The following NBEA variants were observed in gnomAD, a reference collection of about 807,000 sequenced individuals.
NBEA encodes neurobeachin.
In NBEA, 44 loss-of-function variants were observed where a neutral mutation model predicts 343.4. The ratio of observed to expected loss-of-function variants is 0.13; its 90% CI spans 0.10 to 0.16. The LOEUF is 0.16. Among genes scored for constraint, NBEA ranks in the 10% least tolerant of loss-of-function variants. NBEA has a pLI of 1.00. For synonymous variants in NBEA, 1,175 were observed against 1,238.7 expected, an observed-to-expected ratio of 0.95 and a Z score of 1.08; for missense variants, 2,555 against 3,631.3, an observed-to-expected ratio of 0.70 and a Z score of 7.62.
At chr13:35,100,363 T>A (rs1157173503) in intron 11 of NBEA, among the ~76,000 whole-genome samples, 1 of 152,048 alleles carries the variant, frequency 6.6e-6, no homozygotes, top group Non-Finnish European at 1.5e-5. Flanking sequence ...ATTAAGATGA[T>A]TTTTTCCATA....
At chr13:35,439,095 T>C (rs1445401684) in intron 39 of NBEA, among the ~76,000 whole-genome samples, 1 of 152,174 alleles carries the variant, frequency 6.6e-6, no homozygotes. Context: ...TTTACTGTAG[T>C]GATTCCCAAC....
chr13:35,669,874 G>T (rs1029981005), intron 58 of NBEA, among the ~76,000 whole-genome samples: 1 of 152,156 alleles, frequency 6.6e-6, no homozygotes, highest in South Asian at 2.1e-4. Context: ...CTTCTTGAGG[G>T]CTGGGAAGGG....
intron 41 of NBEA, among the ~76,000 whole-genome samples, chr13:35,503,238 G>A (rs992326641): frequency 6.6e-6 from 1 of 151,204 alleles, no homozygotes; most frequent in South Asian, 2.1e-4. Flanking sequence ...TTATAGTGTA[G>A]TCAATATATA....
chr13:35,533,522 TG>T (rs1353933947), intron 41 of NBEA, among the ~76,000 whole-genome samples: 1 of 152,184 alleles, frequency 6.6e-6, no homozygotes, highest in Admixed American at 6.5e-5. Flanking sequence ...TAAATATTAG[TG>T]TCATTTGTTC....
chr13:35,514,910 A>G (rs547732457), intron 41 of NBEA, among the ~76,000 whole-genome samples: 16 of 152,308 alleles, frequency 1.1e-4, no homozygotes, highest in African/African-American at 3.6e-4. Context: ...TTACCTTTGC[A>G]TTAACACTGA....
chr13:35,205,613 C>G (rs1175954512), intron 31 of NBEA, among the ~76,000 whole-genome samples: 1 of 151,936 alleles, frequency 6.6e-6, no homozygotes, highest in African/African-American at 2.4e-5. Context: ...AATATAGTGC[C>G]TAAAACTACA....
At chr13:35,173,425 C>A in intron 26 of NBEA, 39 bp from the exon 27 acceptor site, 1 of 1,488,998 alleles carries the variant, frequency 6.7e-7, no homozygotes, top group Non-Finnish European at 9.0e-7. Context: ...TCAAAGTCAA[C>A]AATTTATATT....
At chr13:35,277,147 A>T (rs555978182) in intron 34 of NBEA, among the ~76,000 whole-genome samples, 9 of 152,278 alleles carry the variant, frequency 5.9e-5, no homozygotes, top group Non-Finnish European at 7.4e-5. Flanking sequence ...TTACCTTAAC[A>T]CTGCTTTGTT....
chr13:35,529,597 T>A (rs753744053), intron 41 of NBEA, among the ~76,000 whole-genome samples: 74 of 152,356 alleles, frequency 4.9e-4, no homozygotes, highest in Non-Finnish European at 1.0e-4. Context: ...TTGAAAGACA[T>A]GTAAATAGAA....
At chr13:35,183,088 C>T (rs1051151042) in intron 29 of NBEA, among the ~76,000 whole-genome samples, 1 of 151,932 alleles carries the variant, frequency 6.6e-6, no homozygotes, top group African/African-American at 2.4e-5. Flanking sequence ...AACAATGAAC[C>T]ACCTTGGGTC....
chr13:35,582,038 G>A (rs947818500), intron 45 of NBEA, among the ~76,000 whole-genome samples: 2 of 152,110 alleles, frequency 1.3e-5, no homozygotes, highest in Non-Finnish European at 2.9e-5. Flanking sequence ...TATTATCCCA[G>A]CACTTTGGGA....
Position 35,593,274 on chromosome 13 carries a change from C to T in NBEA, c.7177-54C>T, listed in dbSNP as rs539789071. The T allele has an allele frequency of 3.3e-5, 52 of 1,584,928 alleles. No individual in the cohort carries two copies. The Middle Eastern group carries it at 6.7e-4, about 21-fold the overall frequency. ...AAGATAGCCATGTTTCACAAAGGAA[C>T]GAGGGCAGCTGTGTTTAGAGTGGTC... On this transcript the variant is annotated intron_variant, in intron 46 of 58. Transcript: ENST00000379939.
chr13:35,120,247 A>G (rs2066723355), intron 16 of NBEA, among the ~76,000 whole-genome samples: 1 of 152,170 alleles, frequency 6.6e-6, no homozygotes, highest in Non-Finnish European at 1.5e-5. Flanking sequence ...TAGGATTTAC[A>G]TGTATTTTAA....
At position 35,327,911 on chromosome 13, in the gene NBEA, TA is replaced by T. The variant is rs879544796; in HGVS notation, c.5903+18329del. Among the ~76,000 whole-genome samples the T allele has an allele frequency of 3.7e-3, 544 of 148,588 alleles. 2 individuals are homozygous for T. The highest frequency in any genetic ancestry group is 0.012 in the African/African-American group (491 of 40,688). On this transcript the variant is annotated intron_variant, in intron 36 of 58. Coordinates refer to ENST00000379939, the MANE Select transcript of NBEA (RefSeq NM_001385012.1). Reference sequence around the variant, plus strand: ...AAAGTCAGCATCTATTCCTGATATATAAAAAAAAAACTCTCAGCAAACTACA... The same window carrying T: ...AAAGTCAGCATCTATTCCTGATATATAAAAAAAAACTCTCAGCAAACTACA...
At chr13:35,289,470 CTA>C (rs2035655983) in intron 34 of NBEA, among the ~76,000 whole-genome samples, 1 of 151,818 alleles carries the variant, frequency 6.6e-6, no homozygotes, top group African/African-American at 2.4e-5. Flanking sequence ...ACCTCATTCT[CTA>C]TGTTGGCACT....
Position 35,161,759 on chromosome 13 carries a change from G to A in NBEA, c.3871G>A (p.Gly1291Ser). Residue 1291 changes from glycine to serine, a missense_variant, in exon 23 of 59, where the codon GGT (glycine) becomes AGT (serine). Coordinates refer to ENST00000379939, the MANE Select transcript of NBEA (RefSeq NM_001385012.1). ...QTTTTTQAVQ[G>S]RSITQQDRDL... ...TCTTTTCCTTCTTTAGGCTGTGCAG[G>A]GTCGGTCTATCACCCAACAAGACCG... 1.2e-6 allele frequency: 2 copies of A among 1,609,404 alleles called. No individual in the cohort carries two copies. Among genetic ancestry groups the A allele is most frequent in the Non-Finnish European group, 1.7e-6 (2 of 1,177,892 alleles).
At position 35,472,184 on chromosome 13, in the gene NBEA, T is replaced by C. The variant is rs984421890; in HGVS notation, c.6449-216T>C. Among the ~76,000 whole-genome samples, 12 of 152,366 alleles carry C rather than the reference T, an allele frequency of 7.9e-5. No individual in the cohort carries two copies. In the East Asian group the frequency reaches 1.2e-3, roughly 15 times the overall value. On this transcript the variant is annotated intron_variant, in intron 40 of 58. Transcript: ENST00000379939. ...AGCGTTATTCGGTATCCTGACCTCC[T>C]GGGTTTTCATACCATTTTTTCTCTC...
At position 35,504,955 on chromosome 13, in the gene NBEA, T is replaced by C. The variant is rs192033278; in HGVS notation, c.6585+32419T>C. Reference sequence around the variant, plus strand: ...AAATGCAATGTTGCTTATTTTTTGGTATAAAATAAAAATGCTACGATTATC... The same window carrying C: ...AAATGCAATGTTGCTTATTTTTTGGCATAAAATAAAAATGCTACGATTATC... On this transcript the variant is annotated intron_variant, in intron 41 of 58. Transcript: ENST00000379939. 2.5e-3 allele frequency among the ~76,000 whole-genome samples: 388 copies of C among 152,252 alleles called. 1 individual carries two copies. Among genetic ancestry groups the C allele is most frequent in the African/African-American group, 8.6e-3 (357 of 41,552 alleles).
chr13:35,613,125 T>C (rs1363827425), intron 48 of NBEA, among the ~76,000 whole-genome samples: 1 of 150,032 alleles, frequency 6.7e-6, no homozygotes, highest in East Asian at 1.9e-4. Flanking sequence ...ACAGTCACTT[T>C]GCTGTGCAAT....
Sources: gnomAD v4.1 joint callset for allele counts (sites outside exome capture counted in the v4.1 genomes callset) on GRCh38, gnomAD v4.1.1 for gene constraint, MANE v1.5 for transcripts, NCBI Gene and HGNC (gene_info 2026-07-23, HGNC 2026-07-21) for gene names.